DLG2: variants seen among roughly 807,000 people sequenced by gnomAD.
DLG2 encodes discs large MAGUK scaffold protein 2.
DLG2 carries 45 observed loss-of-function variants against 132.5 expected under a neutral mutation model. The ratio of observed to expected loss-of-function variants is 0.34; its 90% CI spans 0.27 to 0.44. DLG2 has a LOEUF of 0.44. Ranked by LOEUF, DLG2 falls within the 20% of genes least tolerant of loss-of-function variation. DLG2 has a pLI of 1.00. For synonymous variants in DLG2, 424 were observed against 419.6 expected, an observed-to-expected ratio of 1.01 and a Z score of -0.13; for missense variants, 1,045 against 1,196.9, an observed-to-expected ratio of 0.87 and a Z score of 1.87.
rs1285831871 is a variant in DLG2, at chr11:83,484,183, A to G, written c.2239T>C (p.Phe747Leu). 1 of 1,613,488 alleles carries G rather than the reference A, an allele frequency of 6.2e-7. No individual in the cohort carries two copies. The highest frequency in any genetic ancestry group is 2.2e-5 in the East Asian group (1 of 44,854). The change falls in exon 22 of 28, where the codon TTC becomes CTC. Residue 747 changes from phenylalanine (F) to leucine (L), a missense_variant. Phe to Leu is a conservative substitution (Grantham distance 22). Coordinates refer to ENST00000376104, the MANE Select transcript of DLG2 (RefSeq NM_001142699.3). ...RKKSFIFSRK[F>L]PFYKNKEQSE... ...TGCTCCTTGTTCTTGTAGAATGGGA[A>G]TTTTCGTGAAAAGATGAAGCTCTTT...
intron 3 of DLG2, among the ~76,000 whole-genome samples, chr11:85,316,640 G>T (rs1416212308): frequency 6.6e-6 from 1 of 151,800 alleles, no homozygotes; most frequent in African/African-American, 2.4e-5. Flanking sequence ...CTAAAGATAG[G>T]ATACAACTGG....
intron 6 of DLG2, among the ~76,000 whole-genome samples, chr11:85,044,226 A>G (rs1448157385): frequency 6.6e-6 from 1 of 152,004 alleles, no homozygotes; most frequent in Non-Finnish European, 1.5e-5. Context: ...CTGTTGTGCT[A>G]CTATAAGCCT....
At chr11:85,249,549 C>G (rs918222361) in intron 4 of DLG2, among the ~76,000 whole-genome samples, 15 of 152,034 alleles carry the variant, frequency 9.9e-5, no homozygotes, top group Admixed American at 9.2e-4. Context: ...AAAGTAGGCT[C>G]TTTCTGAGTT....
intron 18 of DLG2, among the ~76,000 whole-genome samples, chr11:83,782,999 T>G (rs2094899178): frequency 6.6e-6 from 1 of 152,190 alleles, no homozygotes; most frequent in South Asian, 2.1e-4. Flanking sequence ...AGTGCTTAAA[T>G]GGAATTATTA....
intron 27 of DLG2, 128 bp downstream of exon 27, chr11:83,461,874 A>G: frequency 1.5e-6 from 1 of 667,626 alleles, no homozygotes; most frequent in African/African-American, 1.8e-5. Flanking sequence ...TTGTATATGA[A>G]ACAGATATTA....
chr11:85,318,704 T>C (rs953046857), intron 3 of DLG2, among the ~76,000 whole-genome samples: 3 of 151,752 alleles, frequency 2.0e-5, no homozygotes, highest in African/African-American at 7.3e-5. Context: ...AAAAATAATT[T>C]CATTACTCAG....
intron 6 of DLG2, among the ~76,000 whole-genome samples, chr11:84,743,284 T>C (rs577410250): frequency 6.6e-6 from 1 of 152,214 alleles, no homozygotes; most frequent in Non-Finnish European, 1.5e-5. Context: ...CTATTAACAC[T>C]GTTACAACTC....
At chr11:83,878,408 A>C in intron 15 of DLG2, among the ~76,000 whole-genome samples, 1 of 152,184 alleles carries the variant, frequency 6.6e-6, no homozygotes, top group East Asian at 1.9e-4. Context: ...TTTCAAGGGA[A>C]AAAAGTGCTT....
At chr11:84,123,104 A>C (rs1388072385) in intron 9 of DLG2, among the ~76,000 whole-genome samples, 2 of 152,232 alleles carry the variant, frequency 1.3e-5, no homozygotes, top group Non-Finnish European at 2.9e-5. Context: ...TGAGTTTAAA[A>C]GTCAGTCCTC....
intron 19 of DLG2, among the ~76,000 whole-genome samples, chr11:83,563,312 C>G (rs1307240218): frequency 6.6e-6 from 1 of 152,116 alleles, no homozygotes; most frequent in Admixed American, 6.5e-5. Context: ...AACTCTGAAA[C>G]TTCTAAATTA....
intron 6 of DLG2, among the ~76,000 whole-genome samples, chr11:85,051,491 C>T (rs2062885095): frequency 6.6e-6 from 1 of 152,036 alleles, no homozygotes; most frequent in South Asian, 2.1e-4. Context: ...TAACTACGTG[C>T]CAAGCACTAT....
At chr11:83,910,517 G>T (rs1041192183) in intron 15 of DLG2, among the ~76,000 whole-genome samples, 38 of 152,044 alleles carry the variant, frequency 2.5e-4, no homozygotes, top group African/African-American at 8.5e-4. Context: ...TAGAATGACT[G>T]CATTTAACAA....
intron 6 of DLG2, among the ~76,000 whole-genome samples, chr11:84,726,799 T>C (rs1219553353): frequency 6.6e-6 from 1 of 152,144 alleles, no homozygotes; most frequent in East Asian, 1.9e-4. Context: ...TTTTAATGAT[T>C]GCCATTCTGA....
intron 6 of DLG2, among the ~76,000 whole-genome samples, chr11:85,075,972 G>A (rs754933124): frequency 4.6e-5 from 7 of 151,964 alleles, no homozygotes; most frequent in South Asian, 4.1e-4. Context: ...ACAGCAACAC[G>A]CCTTGCCATT....
intron 25 of DLG2, among the ~76,000 whole-genome samples, chr11:83,467,986 CA>C (rs2091446711): frequency 6.6e-6 from 1 of 151,692 alleles, no homozygotes; most frequent in African/African-American, 2.4e-5. Context: ...GCTTCCACCA[CA>C]ATGAGTGCTC....
chr11:85,455,498 A>G (rs1335173966), intron 3 of DLG2, among the ~76,000 whole-genome samples: 4 of 152,084 alleles, frequency 2.6e-5, no homozygotes, highest in Non-Finnish European at 5.9e-5. Context: ...CTCTTCTCCT[A>G]TTTGGATGCC....
intron 3 of DLG2, among the ~76,000 whole-genome samples, chr11:85,537,643 G>A (rs959917342): frequency 2.6e-5 from 4 of 151,080 alleles, no homozygotes; most frequent in South Asian, 2.1e-4. Flanking sequence ...GCAAGACCAC[G>A]AACCCACCAG....
intron 4 of DLG2, among the ~76,000 whole-genome samples, chr11:85,168,457 C>T (rs1187484172): frequency 6.6e-6 from 1 of 151,868 alleles, no homozygotes; most frequent in East Asian, 1.9e-4. Flanking sequence ...TACATTTTTG[C>T]CATCAAATAG....
intron 18 of DLG2, among the ~76,000 whole-genome samples, chr11:83,786,284 G>A (rs1010505697): frequency 7.9e-5 from 12 of 152,158 alleles, no homozygotes; most frequent in South Asian, 2.1e-4. Flanking sequence ...TAGTGTTAAT[G>A]AGAATTAAGT....
Sources: allele counts gnomAD v4.1 joint callset (sites outside exome capture counted in the v4.1 genomes callset), GRCh38; gene constraint gnomAD v4.1.1; transcripts MANE v1.5; gene names NCBI Gene and HGNC (gene_info 2026-07-23, HGNC 2026-07-21).